SORCS3: variants seen among roughly 807,000 people sequenced by gnomAD.
SORCS3 encodes the protein VPS10 domain-containing receptor SorCS3.
Under a neutral mutation model 146.3 loss-of-function variants are expected in SORCS3, and 57 were observed. The observed-to-expected ratio is 0.39, with a 90% confidence interval of 0.31 to 0.49. The LOEUF (loss-of-function observed/expected upper bound fraction) is 0.49, where lower values mean the gene tolerates loss of function less well. Among genes scored for constraint, SORCS3 ranks in the 20% least tolerant of loss-of-function variants. SORCS3 has a pLI of 0.92. For missense variants in SORCS3, 1,341 were observed against 1,575.5 expected (o/e 0.85, Z 2.52); for synonymous variants, 653 against 618.5 (o/e 1.06, Z -0.83).
At chr10:104,980,808 A>G (rs1239838843) in intron 4 of SORCS3, among the ~76,000 whole-genome samples, 1 of 152,190 alleles carries the variant, frequency 6.6e-6, no homozygotes, top group African/African-American at 2.4e-5. Flanking sequence ...CCCCAAAGCT[A>G]CAGAAGACTT....
intron 20 of SORCS3, among the ~76,000 whole-genome samples, chr10:105,241,518 G>A (rs2056823269): frequency 6.6e-6 from 1 of 152,216 alleles, no homozygotes. Context: ...GCCACTGCGA[G>A]TAAAGGGCCA....
intron 14 of SORCS3, among the ~76,000 whole-genome samples, chr10:105,189,514 G>A (rs939584132): frequency 1.3e-4 from 20 of 152,206 alleles, no homozygotes; most frequent in Admixed American, 6.5e-5. Flanking sequence ...AAAAGGCAGT[G>A]AAATCTGGAA....
chr10:104,982,243 AG>A (rs372627719), intron 4 of SORCS3, among the ~76,000 whole-genome samples: 303 of 152,324 alleles, frequency 2.0e-3, no homozygotes, highest in African/African-American at 7.0e-3. Context: ...TAACTGGGGC[AG>A]GTGCTGGAGT....
chr10:104,971,213 A>G (rs1208516720), intron 3 of SORCS3, among the ~76,000 whole-genome samples: 1 of 152,246 alleles, frequency 6.6e-6, no homozygotes, highest in Non-Finnish European at 1.5e-5. Flanking sequence ...TTTATATTAC[A>G]GGTTGATTGT....
chr10:104,892,044 G>A (rs564041523), intron 2 of SORCS3, among the ~76,000 whole-genome samples: 24 of 152,286 alleles, frequency 1.6e-4, no homozygotes, highest in East Asian at 7.7e-4. Context: ...GACTGTCAGC[G>A]TGAATATTTT....
At chr10:104,685,379 G>A (rs994472039) in intron 1 of SORCS3, among the ~76,000 whole-genome samples, 7 of 152,164 alleles carry the variant, frequency 4.6e-5, no homozygotes, top group Non-Finnish European at 1.0e-4. Context: ...CAGTGGGCAG[G>A]AGCTTCTGGG....
intron 2 of SORCS3, among the ~76,000 whole-genome samples, chr10:104,901,710 G>C (rs1175629094): frequency 6.6e-6 from 1 of 151,904 alleles, no homozygotes; most frequent in African/African-American, 2.4e-5. Context: ...ATGTTTTTCA[G>C]CCCTTGGCTT....
chr10:105,047,006 T>C (rs1269035379), intron 5 of SORCS3, among the ~76,000 whole-genome samples: 2 of 152,056 alleles, frequency 1.3e-5, no homozygotes, highest in Non-Finnish European at 1.5e-5. Flanking sequence ...GGCAGAGTTG[T>C]TGTCATGGGG....
chr10:104,947,607 A>G (rs1378006491), intron 3 of SORCS3, among the ~76,000 whole-genome samples: 1 of 151,900 alleles, frequency 6.6e-6, no homozygotes, highest in Non-Finnish European at 1.5e-5. Flanking sequence ...TGGATGTTGT[A>G]TTTTTTGTTT....
chr10:105,198,870 A>G (rs2056558513), intron 14 of SORCS3, among the ~76,000 whole-genome samples: 1 of 152,154 alleles, frequency 6.6e-6, no homozygotes, highest in Non-Finnish European at 1.5e-5. Context: ...TGATCCTGAG[A>G]TGTATTGTAA....
At chr10:104,678,871 C>T (rs1001060046) in intron 1 of SORCS3, among the ~76,000 whole-genome samples, 1 of 152,146 alleles carries the variant, frequency 6.6e-6, no homozygotes, top group African/African-American at 2.4e-5. Context: ...CCAAGCCAAA[C>T]AAGAGAATCA....
intron 5 of SORCS3, among the ~76,000 whole-genome samples, chr10:105,079,526 A>C (rs1445513859): frequency 6.6e-6 from 1 of 152,170 alleles, no homozygotes; most frequent in Non-Finnish European, 1.5e-5. Context: ...CAATAGTAAC[A>C]TATTGTATAT....
chr10:105,173,936 A>G (rs1200028479), intron 13 of SORCS3, among the ~76,000 whole-genome samples: 2 of 152,218 alleles, frequency 1.3e-5, no homozygotes, highest in Non-Finnish European at 2.9e-5. Context: ...TTTTAGTAGA[A>G]AGTAGCTGTT....
intron 5 of SORCS3, among the ~76,000 whole-genome samples, chr10:105,080,216 A>T (rs370738069): frequency 6.6e-6 from 1 of 152,186 alleles, no homozygotes. Context: ...CCTCACCAGC[A>T]TCTATTATTT....
intron 1 of SORCS3, among the ~76,000 whole-genome samples, chr10:104,727,753 G>C (rs1304949078): frequency 6.6e-6 from 1 of 152,080 alleles, no homozygotes; most frequent in Non-Finnish European, 1.5e-5. Context: ...GTGTGCAAGA[G>C]AGCATTACTG....
chr10:105,106,610 G>A (rs2055823565), intron 7 of SORCS3, among the ~76,000 whole-genome samples: 1 of 152,084 alleles, frequency 6.6e-6, no homozygotes, highest in Non-Finnish European at 1.5e-5. Flanking sequence ...GTCAATATTT[G>A]TTGTATTGAA....
chr10:104,898,841 C>T (rs1382585401), intron 2 of SORCS3, among the ~76,000 whole-genome samples: 1 of 152,190 alleles, frequency 6.6e-6, no homozygotes, highest in Non-Finnish European at 1.5e-5. Context: ...TTCCCCCCAT[C>T]ACCCTGCTGG....
chr10:105,252,819 T>C lies in SORCS3; in HGVS notation c.3150T>C (p.Pro1050=). 10 of 1,614,126 alleles carry C rather than the reference T, an allele frequency of 6.2e-6. No homozygotes were observed. Among genetic ancestry groups the C allele is most frequent in the Non-Finnish European group, 8.5e-6 (10 of 1,180,000 alleles). Residue 1050 remains proline, a synonymous_variant, in exon 23 of 27, where the codon CCT becomes CCC. Coordinates refer to ENST00000369701, the MANE Select transcript of SORCS3 (RefSeq NM_014978.3). ...PEDQILIAVF[P]GLPTSAELFI... ...ACCAGATCCTCATTGCCGTGTTTCC[T>C]GGTCTCCCCACTTCAGCAGAGCTTT...
intron 2 of SORCS3, among the ~76,000 whole-genome samples, chr10:104,856,210 C>T (rs1305226746): frequency 6.6e-6 from 1 of 151,964 alleles, no homozygotes; most frequent in Non-Finnish European, 1.5e-5. Context: ...CTTTCCTAGG[C>T]ACTGTGGGCC....
Sources: gnomAD v4.1 joint callset for allele counts (sites outside exome capture counted in the v4.1 genomes callset) on GRCh38, gnomAD v4.1.1 for gene constraint, MANE v1.5 for transcripts, NCBI Gene and HGNC (gene_info 2026-07-23, HGNC 2026-07-21) for gene names.